Variants in LHFPL3 observed in about 807,000 individuals in gnomAD.
LHFPL3 encodes LHFPL tetraspan subfamily member 3, also known as LHFPL tetraspan subfamily member 3 protein.
In LHFPL3, 5 loss-of-function variants were observed where a neutral mutation model predicts 19.3. The observed-to-expected ratio is 0.26, with a 90% CI of 0.14 to 0.54. The LOEUF (loss-of-function observed/expected upper bound fraction) is 0.54, where lower values mean the gene tolerates loss of function less well. LHFPL3 is among the 20% of genes least tolerant of loss of function. The pLI, the probability that LHFPL3 is intolerant of heterozygous loss-of-function variation, is 0.94. For synonymous variants in LHFPL3, 133 were observed against 126.2 expected, an observed-to-expected ratio of 1.05 and a Z score of -0.36; for missense variants, 249 against 307.4, an observed-to-expected ratio of 0.81 and a Z score of 1.42.
At chr7:104,345,950 G>C (rs1343919492) in intron 1 of LHFPL3, among the ~76,000 whole-genome samples, 1 of 151,744 alleles carries the variant, frequency 6.6e-6, no homozygotes, top group African/African-American at 2.4e-5. Flanking sequence ...TTGGATTGTT[G>C]CTTTGTCTTT....
rs533456019 is a variant in LHFPL3 at position 104,835,673 on chromosome 7, A to AT, written c.683-70512dup. The stretch of plus-strand genomic sequence containing the variant: ...ACACATAGAATCTGTTTTTACAAAA[A>AT]TTGTATCAAATTCTTCATATTGAAA... On this transcript the variant is annotated intron_variant, in intron 2 of 2. Coordinates refer to ENST00000424859, the MANE Select transcript of LHFPL3 (RefSeq NM_199000.3). Among the ~76,000 whole-genome samples, 17 of 151,966 alleles carry AT rather than the reference A, an allele frequency of 1.1e-4. No individual in the cohort carries two copies. The South Asian group carries it at 3.5e-3, about 31-fold the overall frequency.
rs1445368879 is a variant in LHFPL3, at chr7:104,573,861, T to A, written c.446-162814T>A. Among the ~76,000 whole-genome samples the A allele has an allele frequency of 2.6e-5, 4 of 152,228 alleles. No individual in the cohort carries two copies. The East Asian group carries it at 7.7e-4, about 29-fold the overall frequency. On this transcript the variant is annotated intron_variant, in intron 1 of 2. Coordinates refer to ENST00000424859, the MANE Select transcript of LHFPL3 (RefSeq NM_199000.3). ...TCCCTTTCCCATTATGAATTCCCCATCTAAGCTTTCTCCTTTGTCTTTGTT... is the reference window on the plus strand; with the variant it reads ...TCCCTTTCCCATTATGAATTCCCCAACTAAGCTTTCTCCTTTGTCTTTGTT...
At chr7:104,547,378 A>G (rs1410088720) in intron 1 of LHFPL3, among the ~76,000 whole-genome samples, 3 of 151,510 alleles carry the variant, frequency 2.0e-5, no homozygotes, top group Non-Finnish European at 2.9e-5. Flanking sequence ...GGTTACTTCA[A>G]AACACTCGAG....
At chr7:104,562,475 C>T (rs997232861) in intron 1 of LHFPL3, among the ~76,000 whole-genome samples, 21 of 152,312 alleles carry the variant, frequency 1.4e-4, no homozygotes, top group African/African-American at 3.4e-4. Flanking sequence ...TTGATCGCAT[C>T]GGCTCCTGAG....
rs114270488 is a variant in LHFPL3 at position 104,529,366 on chromosome 7, G to A, written c.445+200142G>A. On this transcript the variant is annotated intron_variant, in intron 1 of 2. Coordinates refer to ENST00000424859, the MANE Select transcript of LHFPL3 (RefSeq NM_199000.3). ...GTTCTGCCCCCAATGTCTCCATCAC[G>A]AGGAATTATTTCCAGTTCCCTAAGA... 7.2e-3 allele frequency among the ~76,000 whole-genome samples: 1,092 copies of A among 152,164 alleles called. 11 individuals are homozygous for A. The highest frequency in any genetic ancestry group is 0.025 in the African/African-American group (1,018 of 41,528).
chr7:104,790,649 C>T (rs919731452), intron 2 of LHFPL3, among the ~76,000 whole-genome samples: 3 of 152,140 alleles, frequency 2.0e-5, no homozygotes, highest in Non-Finnish European at 4.4e-5. Flanking sequence ...GTCAGGATGC[C>T]AAGCCCATCG....
At chr7:104,749,232 T>C (rs1278855943) in intron 2 of LHFPL3, among the ~76,000 whole-genome samples, 3 of 152,388 alleles carry the variant, frequency 2.0e-5, no homozygotes, top group South Asian at 2.1e-4. Context: ...TCAGATGCTA[T>C]TGCCAGTCCT....
intron 1 of LHFPL3, among the ~76,000 whole-genome samples, chr7:104,728,789 T>A (rs1003485421): frequency 3.3e-5 from 5 of 152,154 alleles, no homozygotes; most frequent in African/African-American, 1.2e-4. Context: ...ATAAACCATG[T>A]CCCTTTCCTG....
At chr7:104,754,870 T>C (rs1794253147) in intron 2 of LHFPL3, among the ~76,000 whole-genome samples, 1 of 152,178 alleles carries the variant, frequency 6.6e-6, no homozygotes, top group Admixed American at 6.5e-5. Flanking sequence ...TCTCATTTTT[T>C]CCCCTTGTTT....
intron 1 of LHFPL3, among the ~76,000 whole-genome samples, chr7:104,441,049 T>A (rs2116581023): frequency 6.7e-6 from 1 of 150,348 alleles, no homozygotes; most frequent in Non-Finnish European, 1.5e-5. Context: ...GTAAGAACTC[T>A]TAACATGAGA....
At chr7:104,512,756 G>A (rs529288811) in intron 1 of LHFPL3, among the ~76,000 whole-genome samples, 11 of 152,158 alleles carry the variant, frequency 7.2e-5, no homozygotes, top group African/African-American at 2.6e-4. Flanking sequence ...AAAAAAGAGA[G>A]AGAGAGAGAA....
intron 1 of LHFPL3, among the ~76,000 whole-genome samples, chr7:104,420,667 C>A (rs993450465): frequency 1.4e-5 from 2 of 147,884 alleles, no homozygotes; most frequent in African/African-American, 4.9e-5. Flanking sequence ...TCACGCCATT[C>A]TCCTGCCTCA....
chr7:104,709,584 G>A (rs2116208493), intron 1 of LHFPL3, among the ~76,000 whole-genome samples: 1 of 150,824 alleles, frequency 6.6e-6, no homozygotes, highest in South Asian at 2.1e-4. Flanking sequence ...CAAGGCAGAA[G>A]AATTTTTCTT....
chr7:104,908,431 G>C lies in LHFPL3; in HGVS notation c.*2216G>C, dbSNP rs1792660557. ...AAAAGGTGACTCCCTTTCTCATTCTGTTCTGTTGTATTGCGTCCAAAAGTT... is the reference window on the plus strand; with the variant it reads ...AAAAGGTGACTCCCTTTCTCATTCTCTTCTGTTGTATTGCGTCCAAAAGTT... On this transcript the variant is annotated 3_prime_UTR_variant, in exon 3 of 3. Transcript: ENST00000424859. 1.3e-5 allele frequency among the ~76,000 whole-genome samples: 2 copies of C among 151,648 alleles called. No individual in the cohort carries two copies. The highest frequency in any genetic ancestry group is 2.9e-5 in the Non-Finnish European group (2 of 67,910).
chr7:104,655,231 T>C (rs1255550015), intron 1 of LHFPL3, among the ~76,000 whole-genome samples: 1 of 152,212 alleles, frequency 6.6e-6, no homozygotes, highest in Non-Finnish European at 1.5e-5. Context: ...CGGTTGTCTG[T>C]TCCTTGGCCA....
chr7:104,464,540 A>G (rs947322747), intron 1 of LHFPL3, among the ~76,000 whole-genome samples: 1 of 152,178 alleles, frequency 6.6e-6, no homozygotes, highest in Non-Finnish European at 1.5e-5. Context: ...AGGCATTTCC[A>G]TGCATCCTCT....
chr7:104,761,593 A>G (rs1213883599), intron 2 of LHFPL3, among the ~76,000 whole-genome samples: 2 of 152,124 alleles, frequency 1.3e-5, no homozygotes, highest in South Asian at 4.2e-4. Flanking sequence ...AGGGTAGAAA[A>G]AGGGAAAAAA....
At chr7:104,440,035 T>TGGGCGGGGG (rs139318074) in intron 1 of LHFPL3, among the ~76,000 whole-genome samples, 1 of 84,902 alleles carries the variant, frequency 1.2e-5, no homozygotes, top group Non-Finnish European at 2.7e-5. Flanking sequence ...ATACAAAGCC[T>TGGGCGGGGG]GGGGGGGGGG....
chr7:104,388,326 G>T (rs767769156), intron 1 of LHFPL3, among the ~76,000 whole-genome samples: 3 of 152,120 alleles, frequency 2.0e-5, no homozygotes, highest in Non-Finnish European at 4.4e-5. Flanking sequence ...CTGAGTCAAA[G>T]GTAATTCTGT....
Sources: gnomAD v4.1 joint callset for allele counts (sites outside exome capture counted in the v4.1 genomes callset) on GRCh38, gnomAD v4.1.1 for gene constraint, MANE v1.5 for transcripts, NCBI Gene and HGNC (gene_info 2026-07-23, HGNC 2026-07-21) for gene names.